The following SH3GL2 variants were observed in gnomAD, a reference collection of about 807,000 sequenced individuals.
SH3GL2 encodes endophilin-A1.
A neutral mutation model predicts 46.0 loss-of-function variants in SH3GL2; 24 were observed. That is an observed-to-expected ratio of 0.52 (90% CI 0.38 to 0.73). The LOEUF is 0.73. Among genes scored for constraint, SH3GL2 ranks in the 30% least tolerant of loss-of-function variants. SH3GL2 has a pLI of 0.00. For missense variants in SH3GL2, 413 were observed against 424.2 expected, an observed-to-expected ratio of 0.97 and a Z score of 0.23; for synonymous variants, 196 against 147.1, an observed-to-expected ratio of 1.33 and a Z score of -2.40.
intron 1 of SH3GL2, among the ~76,000 whole-genome samples, chr9:17,647,684 G>A (rs1269879821): frequency 5.3e-5 from 8 of 152,266 alleles, no homozygotes; most frequent in Middle Eastern, 3.4e-3. Flanking sequence ...TATGGCCACC[G>A]TAGAGGAGGG....
At chr9:17,726,482 G>T (rs896315449) in intron 1 of SH3GL2, among the ~76,000 whole-genome samples, 34 of 152,146 alleles carry the variant, frequency 2.2e-4, no homozygotes, top group African/African-American at 8.2e-4. Flanking sequence ...GCACTGTAGG[G>T]CTTTGCTGGC....
intron 1 of SH3GL2, among the ~76,000 whole-genome samples, chr9:17,602,730 A>G (rs1818694130): frequency 6.6e-6 from 1 of 152,242 alleles, no homozygotes; most frequent in African/African-American, 2.4e-5. Context: ...AGTGGGAATA[A>G]GGTAGGAAAC....
intron 1 of SH3GL2, among the ~76,000 whole-genome samples, chr9:17,612,158 G>A (rs1198788087): frequency 1.3e-5 from 2 of 152,132 alleles, no homozygotes; most frequent in African/African-American, 2.4e-5. Flanking sequence ...GGCATTGCCT[G>A]TCTGTCCTCT....
At chr9:17,635,313 G>A (rs1420957523) in intron 1 of SH3GL2, among the ~76,000 whole-genome samples, 1 of 152,066 alleles carries the variant, frequency 6.6e-6, no homozygotes, top group Non-Finnish European at 1.5e-5. Flanking sequence ...CAAAGGACAT[G>A]GTCTCATTTT....
intron 1 of SH3GL2, among the ~76,000 whole-genome samples, chr9:17,672,540 A>G (rs960388339): frequency 6.6e-6 from 1 of 152,156 alleles, no homozygotes; most frequent in Non-Finnish European, 1.5e-5. Flanking sequence ...TTCAAGCTTT[A>G]GTTTAGTGAA....
intron 1 of SH3GL2, among the ~76,000 whole-genome samples, chr9:17,697,739 A>T (rs544553388): frequency 6.6e-6 from 1 of 152,320 alleles, no homozygotes; most frequent in Admixed American, 6.5e-5. Flanking sequence ...CTTGGAATGC[A>T]CCAAGGAATA....
At chr9:17,775,559 T>C (rs1400680837) in intron 3 of SH3GL2, among the ~76,000 whole-genome samples, 1 of 152,190 alleles carries the variant, frequency 6.6e-6, no homozygotes, top group African/African-American at 2.4e-5. Flanking sequence ...TTCAGGGCTC[T>C]TTCTAAGTTT....
chr9:17,635,654 T>G (rs1819526442), intron 1 of SH3GL2, among the ~76,000 whole-genome samples: 1 of 152,222 alleles, frequency 6.6e-6, no homozygotes. Flanking sequence ...CTGAAAGTCA[T>G]GTGCCTGCTG....
At chr9:17,721,914 G>T (rs1821903501) in intron 1 of SH3GL2, among the ~76,000 whole-genome samples, 2 of 152,108 alleles carry the variant, frequency 1.3e-5, no homozygotes, top group South Asian at 4.1e-4. Context: ...AGGACAATGA[G>T]ATGGGGGTTA....
At chr9:17,681,013 G>C (rs1330539195) in intron 1 of SH3GL2, among the ~76,000 whole-genome samples, 2 of 152,000 alleles carry the variant, frequency 1.3e-5, no homozygotes, top group Admixed American at 6.6e-5. Context: ...TGTAATTTCT[G>C]TTCTTTTACA....
intron 3 of SH3GL2, among the ~76,000 whole-genome samples, chr9:17,781,853 T>TA (rs1823819247): frequency 1.3e-5 from 2 of 151,978 alleles, no homozygotes; most frequent in African/African-American, 4.8e-5. Context: ...TTCCCAGCCT[T>TA]ACTCTTTCAG....
intron 1 of SH3GL2, among the ~76,000 whole-genome samples, chr9:17,626,498 A>G (rs1361922783): frequency 6.6e-6 from 1 of 152,192 alleles, no homozygotes; most frequent in Non-Finnish European, 1.5e-5. Context: ...TAAAATCTTC[A>G]TGCTCATGGA....
intron 1 of SH3GL2, among the ~76,000 whole-genome samples, chr9:17,732,108 C>T (rs1265372525): frequency 1.3e-5 from 2 of 152,122 alleles, no homozygotes; most frequent in Non-Finnish European, 2.9e-5. Flanking sequence ...AACTCACTTT[C>T]ACTCTTTTTT....
intron 1 of SH3GL2, among the ~76,000 whole-genome samples, chr9:17,621,363 A>G (rs1487393771): frequency 2.6e-5 from 4 of 152,246 alleles, no homozygotes; most frequent in Non-Finnish European, 4.4e-5. Context: ...GTCCGCAACT[A>G]CGTGCAAGAC....
At chr9:17,619,521 T>C (rs1304512428) in intron 1 of SH3GL2, among the ~76,000 whole-genome samples, 6 of 151,722 alleles carry the variant, frequency 4.0e-5, no homozygotes, top group Admixed American at 2.6e-4. Flanking sequence ...CTACTAAAAA[T>C]ACAAAAATTA....
intron 1 of SH3GL2, among the ~76,000 whole-genome samples, chr9:17,622,294 C>A (rs1426740933): frequency 6.6e-6 from 1 of 152,088 alleles, no homozygotes; most frequent in South Asian, 2.1e-4. Flanking sequence ...CTAGGAGAAT[C>A]GTAATATGCA....
At chr9:17,772,738 C>T (rs573768165) in intron 3 of SH3GL2, among the ~76,000 whole-genome samples, 1 of 152,126 alleles carries the variant, frequency 6.6e-6, no homozygotes, top group African/African-American at 2.4e-5. Context: ...TATATAGATT[C>T]ACCTGTTGAT....
intron 1 of SH3GL2, among the ~76,000 whole-genome samples, chr9:17,724,162 C>T (rs962099392): frequency 1.3e-5 from 2 of 151,984 alleles, no homozygotes; most frequent in African/African-American, 4.8e-5. Flanking sequence ...GCCCTGTTTA[C>T]TTTTTCTTCT....
At chr9:17,709,501 T>G (rs1032531064) in intron 1 of SH3GL2, among the ~76,000 whole-genome samples, 6 of 152,064 alleles carry the variant, frequency 3.9e-5, no homozygotes, top group Middle Eastern at 3.4e-3. Flanking sequence ...GCAAGTGGGC[T>G]GTGTATCATT....
Sources: gnomAD v4.1 joint callset for allele counts (sites outside exome capture counted in the v4.1 genomes callset) on GRCh38, gnomAD v4.1.1 for gene constraint, MANE v1.5 for transcripts, NCBI Gene and HGNC (gene_info 2026-07-23, HGNC 2026-07-21) for gene names.